The following NAV3 variants were observed in gnomAD, a reference collection of about 807,000 sequenced individuals.
NAV3 encodes the protein pore membrane and/or filament interacting like protein 1.
NAV3 carries 87 observed loss-of-function variants against 244.7 expected under a neutral mutation model. That is an observed-to-expected ratio of 0.36 (90% CI 0.30 to 0.42). NAV3 has a LOEUF of 0.42. Among genes scored for constraint, NAV3 ranks in the 20% least tolerant of loss-of-function variants. The pLI is 1.00. For missense variants in NAV3, 2,663 were observed against 2,893.3 expected (o/e 0.92, Z 1.83); for synonymous variants, 1,126 against 1,042.2 (o/e 1.08, Z -1.55).
intron 12 of NAV3, among the ~76,000 whole-genome samples, chr12:78,065,749 GA>G (rs1357264899): frequency 6.6e-6 from 1 of 152,098 alleles, no homozygotes; most frequent in African/African-American, 2.4e-5. Context: ...AGATCTTCAG[GA>G]AAGTTGCAGG....
At chr12:77,768,451 C>A (rs1243151109) in intron 2 of NAV3, among the ~76,000 whole-genome samples, 1 of 152,226 alleles carries the variant, frequency 6.6e-6, no homozygotes, top group Non-Finnish European at 1.5e-5. Context: ...GCCCCCTCGG[C>A]CTCCCTTCTG....
chr12:77,794,775 C>A (rs1379036307), intron 2 of NAV3, among the ~76,000 whole-genome samples: 1 of 152,106 alleles, frequency 6.6e-6, no homozygotes, highest in Non-Finnish European at 1.5e-5. Flanking sequence ...GTATGGTGAT[C>A]TGTGATCAGT....
intron 5 of NAV3, among the ~76,000 whole-genome samples, chr12:77,980,794 A>G (rs1869422850): frequency 6.6e-6 from 1 of 152,180 alleles, no homozygotes; most frequent in Non-Finnish European, 1.5e-5. Context: ...ATTTATGGTG[A>G]TATTGTAAAA....
At chr12:77,759,273 T>C (rs1869346731) in intron 2 of NAV3, among the ~76,000 whole-genome samples, 1 of 152,250 alleles carries the variant, frequency 6.6e-6, no homozygotes, top group Admixed American at 6.5e-5. Context: ...AGAACTGTAG[T>C]AGTTGCCTTA....
chr12:77,804,994 G>T (rs574345753), intron 2 of NAV3, among the ~76,000 whole-genome samples: 1 of 152,120 alleles, frequency 6.6e-6, no homozygotes, highest in African/African-American at 2.4e-5. Context: ...GTATAGAAAC[G>T]CTTCTGATTT....
chr12:77,679,730 G>A (rs1485419326), intron 2 of NAV3, among the ~76,000 whole-genome samples: 1 of 152,172 alleles, frequency 6.6e-6, no homozygotes. Context: ...GAGGCGAGAA[G>A]TAGTGGGAAA....
intron 3 of NAV3, among the ~76,000 whole-genome samples, chr12:77,953,067 T>C (rs1891046822): frequency 6.6e-6 from 1 of 152,100 alleles, no homozygotes; most frequent in Admixed American, 6.6e-5. Flanking sequence ...CTGATGTAAT[T>C]TTTAATAAAT....
At chr12:77,683,378 T>A (rs192744460) in intron 2 of NAV3, among the ~76,000 whole-genome samples, 2,181 of 126,604 alleles carry the variant, frequency 0.017, 52 homozygotes, top group African/African-American at 0.075. Context: ...TTGTATGTGT[T>A]TTTTTTTGCC....
At chr12:78,049,398 A>G (rs1810432464) in intron 9 of NAV3, among the ~76,000 whole-genome samples, 1 of 152,194 alleles carries the variant, frequency 6.6e-6, no homozygotes, top group South Asian at 2.1e-4. Flanking sequence ...AAAGCATAGT[A>G]TCTGGGCTGG....
intron 12 of NAV3, among the ~76,000 whole-genome samples, chr12:78,100,932 G>A (rs750166291): frequency 1.8e-4 from 27 of 151,978 alleles, no homozygotes; most frequent in Non-Finnish European, 8.8e-5. Flanking sequence ...TCCTGATAAT[G>A]GCTATCTAAA....
intron 4 of NAV3, among the ~76,000 whole-genome samples, 194 bp downstream of exon 4, chr12:77,966,495 A>G (rs1892527415): frequency 6.6e-6 from 1 of 152,122 alleles, no homozygotes; most frequent in African/African-American, 2.4e-5. Flanking sequence ...TGTTTTCCAT[A>G]TTTTGCCAGA....
At chr12:77,647,067 TACACAC>T (rs3046395) in intron 2 of NAV3, among the ~76,000 whole-genome samples, 1 of 149,676 alleles carries the variant, frequency 6.7e-6, no homozygotes, top group Non-Finnish European at 1.5e-5. Flanking sequence ...CATATATATA[TACACAC>T]ACACACACAC....
rs578183691 is a variant in NAV3, at chr12:78,052,809, T to A, written c.2516+1662T>A. Among the ~76,000 whole-genome samples the A allele has an allele frequency of 1.5e-4, 23 of 152,266 alleles. No individual in the cohort carries two copies. In the South Asian group the frequency reaches 4.4e-3, roughly 29 times the overall value. On this transcript the variant is annotated intron_variant, in intron 11 of 39. Transcript: ENST00000397909. ...CCACTCTATCCCCTCTTCTCTTTTTTTTCTCAATCTCCTTAGATGTGGACA... is the reference window on the plus strand; with the variant it reads ...CCACTCTATCCCCTCTTCTCTTTTTATTCTCAATCTCCTTAGATGTGGACA...
chr12:77,836,529 A>G (rs1555212330), intron 1 of NAV3, among the ~76,000 whole-genome samples: 1 of 150,552 alleles, frequency 6.6e-6, no homozygotes, highest in South Asian at 2.1e-4. Flanking sequence ...CAAAGAAAGT[A>G]TTATAATCTA....
At chr12:78,095,064 TACACACACAC>T (rs56856471) in intron 12 of NAV3, among the ~76,000 whole-genome samples, 4 of 137,572 alleles carry the variant, frequency 2.9e-5, no homozygotes, top group South Asian at 2.3e-4. Context: ...TATATATATA[TACACACACAC>T]ACACACACAC....
chr12:78,155,921 T>G (rs978281224), intron 22 of NAV3, among the ~76,000 whole-genome samples: 7 of 152,156 alleles, frequency 4.6e-5, no homozygotes, highest in African/African-American at 1.7e-4. Context: ...ATGGATAGAT[T>G]CCACAAATGT....
chr12:78,049,934 C>A (rs1415308847), intron 9 of NAV3, 59 bp from the exon 10 acceptor site: 4 of 1,140,602 alleles, frequency 3.5e-6, no homozygotes, highest in Middle Eastern at 2.0e-4. Context: ...TCTAGGTATA[C>A]AATTATTTTG....
At chr12:78,024,791 C>G (rs28648079) in intron 9 of NAV3, among the ~76,000 whole-genome samples, 1 of 151,964 alleles carries the variant, frequency 6.6e-6, no homozygotes, top group Non-Finnish European at 1.5e-5. Flanking sequence ...TCCTGGCTAA[C>G]GGTGAGATGC....
chr12:77,867,404 TTTG>T (rs61105303), intron 1 of NAV3, among the ~76,000 whole-genome samples: 17,063 of 151,620 alleles, frequency 0.11, 973 homozygotes, highest in South Asian at 0.18. Flanking sequence ...CAGGTATGTT[TTTG>T]TTGTTGTTGT....
Sources: gnomAD v4.1 joint callset for allele counts (sites outside exome capture counted in the v4.1 genomes callset) on GRCh38, gnomAD v4.1.1 for gene constraint, MANE v1.5 for transcripts, NCBI Gene and HGNC (gene_info 2026-07-23, HGNC 2026-07-21) for gene names.